EFEMP1: variants seen among roughly 807,000 people sequenced by gnomAD.
EFEMP1 encodes the protein EGF-containing fibulin-like extracellular matrix protein 1.
A neutral mutation model predicts 65.7 loss-of-function variants in EFEMP1; 18 were observed. The ratio of observed to expected loss-of-function variants is 0.27; its 90% CI spans 0.19 to 0.41. The LOEUF is 0.41. Ranked by LOEUF, EFEMP1 falls within the 10% of genes least tolerant of loss-of-function variation. The pLI, the probability that EFEMP1 is intolerant of heterozygous loss-of-function variation, is 1.00. For missense variants in EFEMP1, 469 were observed against 624.8 expected, an observed-to-expected ratio of 0.75 and a Z score of 2.66; for synonymous variants, 237 against 219.7, an observed-to-expected ratio of 1.08 and a Z score of -0.70.
intron 5 of EFEMP1, among the ~76,000 whole-genome samples, chr2:55,906,415 G>A (rs1456816972): frequency 6.6e-6 from 1 of 151,928 alleles, no homozygotes; most frequent in Non-Finnish European, 1.5e-5. Context: ...GTAGGGACGG[G>A]GTTTCACCAT....
In EFEMP1 at chr2:55,885,103, G is replaced by A. The variant is rs978306815; in HGVS notation, c.518-3369C>T. Among the ~76,000 whole-genome samples the A allele has an allele frequency of 6.6e-6, 1 of 152,162 alleles. No homozygotes were observed. Among genetic ancestry groups the A allele is most frequent in the African/African-American group, 2.4e-5 (1 of 41,438 alleles). On this transcript the variant is annotated intron_variant, in intron 5 of 11. Transcript: ENST00000355426. The surrounding 1 kb of genome is among the most constrained non-coding windows in gnomAD (Gnocchi z 4.3). ...ATGTTAGTAAAAGAAAAATGATGTTGAGCAAGTGAGTCCAGGAGTGCAGAG... is the reference window on the plus strand; with the variant it reads ...ATGTTAGTAAAAGAAAAATGATGTTAAGCAAGTGAGTCCAGGAGTGCAGAG...
chr2:55,892,871 T>C (rs996721312), intron 5 of EFEMP1, among the ~76,000 whole-genome samples: 1 of 152,152 alleles, frequency 6.6e-6, no homozygotes, highest in Non-Finnish European at 1.5e-5. Flanking sequence ...AGATCTGTTA[T>C]ATATACTTAA....
Position 55,870,261 on chromosome 2 carries a change from T to A in EFEMP1, c.1320+459A>T, listed in dbSNP as rs1193288614. ...GATGAATTCATGATGTCTGAAAAAC[T>A]CTTTAGGAGCTCCAGGAATTATTTT... is the stretch of plus-strand genomic sequence containing the variant. On this transcript the variant is annotated intron_variant, in intron 11 of 11. Coordinates refer to ENST00000355426, the MANE Select transcript of EFEMP1 (RefSeq NM_001039348.3). This position sits in a 1 kb window ranked among gnomAD's most constrained non-coding sequence, Gnocchi z 5.8. Among the ~76,000 whole-genome samples, 2 of 151,780 alleles carry A rather than the reference T, an allele frequency of 1.3e-5. No individual in the cohort carries two copies. The highest frequency in any genetic ancestry group is 4.8e-5 in the African/African-American group (2 of 41,304).
At chr2:55,878,824 G>A (rs1669131685) in intron 6 of EFEMP1, among the ~76,000 whole-genome samples, 1 of 152,120 alleles carries the variant, frequency 6.6e-6, no homozygotes, top group African/African-American at 2.4e-5. Context: ...TTCCTCTTCT[G>A]TGAGTAGAAT....
intron 5 of EFEMP1, among the ~76,000 whole-genome samples, chr2:55,915,666 A>T (rs1413475921): frequency 6.6e-6 from 1 of 152,144 alleles, no homozygotes; most frequent in Non-Finnish European, 1.5e-5. Context: ...TACACATCTA[A>T]AGTATTCAAA....
At position 55,877,063 on chromosome 2, in the gene EFEMP1, G is replaced by A. The variant is rs1454170868; in HGVS notation, c.761-321C>T. On this transcript the variant is annotated intron_variant, in intron 7 of 11. Coordinates refer to ENST00000355426, the MANE Select transcript of EFEMP1 (RefSeq NM_001039348.3). This position sits in a 1 kb window ranked among gnomAD's most constrained non-coding sequence, Gnocchi z 4.5. ...AATGCTTCTAATAAATATACACTCC[G>A]GTATCGATTTTCTTTTGTTGTTCAG... Among the ~76,000 whole-genome samples the A allele has an allele frequency of 6.6e-6, 1 of 151,964 alleles. No individual in the cohort carries two copies. The highest frequency in any genetic ancestry group is 6.6e-5 in the Admixed American group (1 of 15,240).
In EFEMP1 at chr2:55,906,121, A is replaced by C. The variant is rs760524389; in HGVS notation, c.517+11544T>G. On this transcript the variant is annotated intron_variant, in intron 5 of 11. Coordinates refer to ENST00000355426, the MANE Select transcript of EFEMP1 (RefSeq NM_001039348.3). ...CACGACAATTAAATTTCCTTCTTCC[A>C]TTTAGTTTCTTTTTACCATTAGCTT... 9.6e-4 allele frequency among the ~76,000 whole-genome samples: 145 copies of C among 151,654 alleles called. 1 individual carries two copies. The highest frequency in any genetic ancestry group is 4.9e-3 in the Admixed American group (74 of 15,230).
At chr2:55,872,465 T>G (rs1668846344) in intron 9 of EFEMP1, among the ~76,000 whole-genome samples, 2 of 152,190 alleles carry the variant, frequency 1.3e-5, no homozygotes, top group Admixed American at 1.3e-4. Flanking sequence ...ATTAATGCAA[T>G]AGAGCATCTG....
Position 55,923,610 on chromosome 2 carries a change from C to T in EFEMP1, c.-49+101G>A. ...ACCCTGCACAGTCCAGGGCAGTTCT[C>T]GGGTACTCAACACCCCTCAGCTCAC... is the stretch of plus-strand genomic sequence containing the variant. On this transcript the variant is annotated intron_variant, in intron 1 of 11. Coordinates refer to ENST00000355426, the MANE Select transcript of EFEMP1 (RefSeq NM_001039348.3). This position sits in a 1 kb window ranked among gnomAD's most constrained non-coding sequence, Gnocchi z 5.3. The T allele has an allele frequency of 2.0e-6, 2 of 985,616 alleles. No homozygotes were observed. Among genetic ancestry groups the T allele is most frequent in the African/African-American group, 3.5e-5 (2 of 57,360 alleles). 61.1% of individuals were successfully genotyped at this position (985,616 alleles called of 1,614,324 possible). A position where few individuals can be genotyped will look rare whatever the true frequency, so the allele number is the denominator to read the frequency against.
chr2:55,873,066 CCACACACACACA>C lies in EFEMP1; in HGVS notation c.1000+1868_1000+1879del, dbSNP rs58841515. 1.5e-3 allele frequency among the ~76,000 whole-genome samples: 212 copies of C among 145,400 alleles called. 1 individual carries two copies. The highest frequency in any genetic ancestry group is 4.4e-3 in the African/African-American group (173 of 39,392). ...TTCTTTTGTCTCTCTGTCTCTCTCT[CCACACACACACA>C]CACACACACACACACACACACACAG... is the stretch of plus-strand genomic sequence containing the variant. On this transcript the variant is annotated intron_variant, in intron 9 of 11. Coordinates refer to ENST00000355426, the MANE Select transcript of EFEMP1 (RefSeq NM_001039348.3). This position sits in a 1 kb window ranked among gnomAD's most constrained non-coding sequence, Gnocchi z 4.6.
intron 11 of EFEMP1, among the ~76,000 whole-genome samples, chr2:55,869,271 T>C (rs1668708484): frequency 6.6e-6 from 1 of 152,164 alleles, no homozygotes; most frequent in Non-Finnish European, 1.5e-5. Flanking sequence ...AAGTTCAAAA[T>C]AGAAAATTAT....
At chr2:55,897,040 A>G (rs1180695850) in intron 5 of EFEMP1, among the ~76,000 whole-genome samples, 3 of 152,134 alleles carry the variant, frequency 2.0e-5, no homozygotes, top group Non-Finnish European at 4.4e-5. Flanking sequence ...TACTTCTCTA[A>G]AGTCTAAATG....
chr2:55,914,267 G>A (rs952268423), intron 5 of EFEMP1, among the ~76,000 whole-genome samples: 4 of 152,032 alleles, frequency 2.6e-5, no homozygotes, highest in African/African-American at 7.2e-5. Flanking sequence ...AACTCCCAGC[G>A]TTACTGGCTC....
At chr2:55,916,736 C>T (rs1670704177) in intron 5 of EFEMP1, among the ~76,000 whole-genome samples, 2 of 152,294 alleles carry the variant, frequency 1.3e-5, no homozygotes, top group South Asian at 4.1e-4. Context: ...TCTGGAGGCT[C>T]CTATGGCCCC....
chr2:55,879,472 G>C (rs1209968727), intron 6 of EFEMP1, among the ~76,000 whole-genome samples: 1 of 152,164 alleles, frequency 6.6e-6, no homozygotes, highest in African/African-American at 2.4e-5. Flanking sequence ...TTGTTACACA[G>C]TAAGCCCTCA....
Position 55,922,223 on chromosome 2 carries a change from A to T in EFEMP1, c.81+137T>A. ...CAATTTACAACGAATCTTAGATATGAAGCATGAATGAAGTGTTGTTTAATT... is the reference window on the plus strand; with the variant it reads ...CAATTTACAACGAATCTTAGATATGTAGCATGAATGAAGTGTTGTTTAATT... On this transcript the variant is annotated intron_variant, in intron 3 of 11. Coordinates refer to ENST00000355426, the MANE Select transcript of EFEMP1 (RefSeq NM_001039348.3). The surrounding 1 kb of genome is among the most constrained non-coding windows in gnomAD (Gnocchi z 5.5). 1.2e-6 allele frequency: 1 copy of T among 818,490 alleles called. No individual in the cohort carries two copies. Among genetic ancestry groups the T allele is most frequent in the Non-Finnish European group, 2.1e-6 (1 of 486,626 alleles). The allele number at this position is 818,490 out of a possible 1,614,324, so 50.7% of individuals were successfully genotyped here.
rs373815375 is a variant in EFEMP1 at position 55,890,859 on chromosome 2, A to G, written c.518-9125T>C. Reference sequence around the variant, plus strand: ...ATCCTTATCTTTTTCTTTGTACTCAATTTACAAGAGAAGAAAACATAGATG... The same window carrying G: ...ATCCTTATCTTTTTCTTTGTACTCAGTTTACAAGAGAAGAAAACATAGATG... On this transcript the variant is annotated intron_variant, in intron 5 of 11. Transcript: ENST00000355426. 2.5e-4 allele frequency among the ~76,000 whole-genome samples: 38 copies of G among 152,200 alleles called. 1 individual carries two copies. The South Asian group carries it at 7.1e-3, about 28-fold the overall frequency.
intron 8 of EFEMP1, among the ~76,000 whole-genome samples, chr2:55,875,331 T>TACAC (rs747889223): frequency 4.7e-5 from 5 of 105,924 alleles, no homozygotes; most frequent in Non-Finnish European, 9.7e-5. Context: ...CTGGGTTTCA[T>TACAC]ATATACACAC....
chr2:55,888,511 G>T (rs1258395108), intron 5 of EFEMP1, among the ~76,000 whole-genome samples: 6 of 151,744 alleles, frequency 4.0e-5, no homozygotes, highest in Non-Finnish European at 7.4e-5. Context: ...CTAATTTTTT[G>T]TATTTTTAGT....
Sources: gnomAD v4.1 joint callset for allele counts (sites outside exome capture counted in the v4.1 genomes callset) on GRCh38, gnomAD v4.1.1 for gene constraint, Gnocchi (gnomAD v3.1) non-coding constraint, MANE v1.5 for transcripts, NCBI Gene and HGNC (gene_info 2026-07-23, HGNC 2026-07-21) for gene names.